CACNG5: variants seen among roughly 807,000 people sequenced by gnomAD.
CACNG5 encodes the protein calcium voltage-gated channel auxiliary subunit gamma 5, also known as voltage-dependent calcium channel gamma-5 subunit.
In CACNG5, 18 loss-of-function variants were observed where a neutral mutation model predicts 24.8. The ratio of observed to expected loss-of-function variants is 0.73; its 90% CI spans 0.50 to 1.08. CACNG5 has a LOEUF of 1.08. Ranked by LOEUF, CACNG5 falls within the 50% of genes least tolerant of loss-of-function variation. CACNG5 has a pLI of 0.00. For missense variants in CACNG5, 349 were observed against 367.9 expected (o/e 0.95, Z 0.42); for synonymous variants, 157 against 149.1 (o/e 1.05, Z -0.39).
chr17:66,852,044 C>A lies in CACNG5; in HGVS notation c.-104+16794C>A, dbSNP rs114867809. 2.8e-3 allele frequency among the ~76,000 whole-genome samples: 434 copies of A among 152,320 alleles called. 2 individuals are homozygous for A. The highest frequency in any genetic ancestry group is 9.8e-3 in the African/African-American group (408 of 41,570). ...ATCCACTCTCAGTGTGGATGGGCAC[C>A]ATCTAATCGGCTGGGGCCTGGATAG... is the stretch of plus-strand genomic sequence containing the variant. On this transcript the variant is annotated intron_variant, in intron 1 of 5. Coordinates refer to ENST00000533854, the MANE Select transcript of CACNG5 (RefSeq NM_145811.3).
At chr17:66,837,961 C>T (rs1031944472) in intron 1 of CACNG5, among the ~76,000 whole-genome samples, 2 of 151,670 alleles carry the variant, frequency 1.3e-5, no homozygotes, top group East Asian at 3.9e-4. Context: ...GGGTGCCAGG[C>T]CTGTGTCTGG....
In CACNG5 at chr17:66,889,637, C is replaced by G. The variant is rs538782895; in HGVS notation, c.*4397C>G. Among the ~76,000 whole-genome samples, 3 of 152,260 alleles carry G rather than the reference C, an allele frequency of 2.0e-5. No homozygotes were observed. The highest frequency in any genetic ancestry group is 2.9e-5 in the Non-Finnish European group (2 of 68,012). The stretch of plus-strand genomic sequence containing the variant: ...GCAGAGGCTGGTTGGGCTGGAGACC[C>G]GGTGAGGACTTGCAGTTCAAGTCCA... On this transcript the variant is annotated 3_prime_UTR_variant, in exon 6 of 6. Coordinates refer to ENST00000533854, the MANE Select transcript of CACNG5 (RefSeq NM_145811.3).
intron 1 of CACNG5, among the ~76,000 whole-genome samples, chr17:66,860,762 T>C (rs1292600844): frequency 1.3e-5 from 2 of 152,166 alleles, no homozygotes; most frequent in African/African-American, 4.8e-5. Context: ...GTCCAACTCA[T>C]GGCCCATGGG....
intron 1 of CACNG5, among the ~76,000 whole-genome samples, chr17:66,838,519 T>C (rs1976515177): frequency 6.6e-6 from 1 of 151,586 alleles, no homozygotes; most frequent in Admixed American, 6.6e-5. Context: ...CCAGGGGGCT[T>C]GATGATGTGG....
intron 1 of CACNG5, among the ~76,000 whole-genome samples, chr17:66,837,529 G>A (rs1429504399): frequency 1.3e-5 from 2 of 152,202 alleles, no homozygotes; most frequent in Admixed American, 6.5e-5. Flanking sequence ...TGGCAGAATT[G>A]GGACTAGCTA....
chr17:66,877,534 G>T lies in CACNG5; in HGVS notation c.196+6G>T, dbSNP rs771728910. ...GCGGGTCTGCTTCCTTGCAGGTAAG[G>T]GTGCCCAGGGTTGGGGACAGCCCTG... On this transcript the variant is annotated splice_donor_region_variant and intron_variant, in intron 2 of 5. Coordinates refer to ENST00000533854, the MANE Select transcript of CACNG5 (RefSeq NM_145811.3). 3.1e-6 allele frequency: 5 copies of T among 1,612,390 alleles called. No individual in the cohort carries two copies. The highest frequency in any genetic ancestry group is 3.4e-6 in the Non-Finnish European group (4 of 1,179,334).
Position 66,885,346 on chromosome 17 carries a change from C to T in CACNG5, c.*106C>T. ...CCTGTGGTTGACAGGCCCAGGCCACCCATGCTTAGCTGTTGTCACTTGACC... is the reference window on the plus strand; with the variant it reads ...CCTGTGGTTGACAGGCCCAGGCCACTCATGCTTAGCTGTTGTCACTTGACC... On this transcript the variant is annotated 3_prime_UTR_variant, in exon 6 of 6. Transcript: ENST00000533854. The T allele has an allele frequency of 7.3e-7, 1 of 1,361,510 alleles. No individual in the cohort carries two copies. 84.3% of individuals were successfully genotyped at this position (1,361,510 alleles called of 1,614,324 possible).
intron 1 of CACNG5, among the ~76,000 whole-genome samples, chr17:66,872,535 A>C (rs1023748832): frequency 2.6e-5 from 4 of 152,242 alleles, no homozygotes; most frequent in African/African-American, 2.4e-5. Context: ...TAAGAGTGGG[A>C]AAGTGCAGGT....
intron 1 of CACNG5, among the ~76,000 whole-genome samples, chr17:66,838,338 G>A (rs1028047036): frequency 6.6e-6 from 1 of 151,660 alleles, no homozygotes; most frequent in East Asian, 2.0e-4. Context: ...GGATCACCCT[G>A]AAAAGGCCTG....
intron 1 of CACNG5, among the ~76,000 whole-genome samples, chr17:66,843,984 G>T (rs376674768): frequency 6.3e-5 from 9 of 141,748 alleles, no homozygotes; most frequent in African/African-American, 2.3e-4. Context: ...GGGCTGGGGG[G>T]GTTGTCCATA....
intron 3 of CACNG5, among the ~76,000 whole-genome samples, chr17:66,879,522 T>C (rs1290141698): frequency 1.3e-5 from 2 of 152,152 alleles, no homozygotes; most frequent in African/African-American, 4.8e-5. Flanking sequence ...GCTCCAAATA[T>C]GGGAGCTCCC....
intron 4 of CACNG5, among the ~76,000 whole-genome samples, chr17:66,881,377 C>A (rs1308881106): frequency 6.6e-6 from 1 of 152,144 alleles, no homozygotes; most frequent in Non-Finnish European, 1.5e-5. Flanking sequence ...TAAACACAAT[C>A]TGCCTTTGGA....
intron 1 of CACNG5, among the ~76,000 whole-genome samples, chr17:66,860,268 G>A (rs75246998): frequency 0.11 from 16,982 of 152,192 alleles, 1,068 homozygotes; most frequent in Middle Eastern, 0.17. Context: ...TTACCATTCT[G>A]TGTCCCAACC....
chr17:66,867,633 G>C (rs1976948827), intron 1 of CACNG5, among the ~76,000 whole-genome samples: 1 of 152,062 alleles, frequency 6.6e-6, no homozygotes, highest in African/African-American at 2.4e-5. Flanking sequence ...AATCCATCTT[G>C]AGTTAATTTT....
At position 66,865,221 on chromosome 17, in the gene CACNG5, T is replaced by C. The variant is rs56267000; in HGVS notation, c.-103-12009T>C. The stretch of plus-strand genomic sequence containing the variant: ...GTGTGTAGCTGTTTATTTTTTAATG[T>C]TATTTTTGTGCACAGCCATTTATCT... On this transcript the variant is annotated intron_variant, in intron 1 of 5. Coordinates refer to ENST00000533854, the MANE Select transcript of CACNG5 (RefSeq NM_145811.3). Among the ~76,000 whole-genome samples the C allele has an allele frequency of 9.4e-3, 1,435 of 152,330 alleles. 8 individuals are homozygous for C. The highest frequency in any genetic ancestry group is 0.014 in the Non-Finnish European group (940 of 68,030).
At position 66,886,896 on chromosome 17, in the gene CACNG5, G is replaced by T. The variant is rs537272302; in HGVS notation, c.*1656G>T. On this transcript the variant is annotated 3_prime_UTR_variant, in exon 6 of 6. Coordinates refer to ENST00000533854, the MANE Select transcript of CACNG5 (RefSeq NM_145811.3). ...TTGGCTTGCAGACGGCTACCTTCCC[G>T]CTGTGTCCTCATGTGGTCTGTGTGC... is the stretch of plus-strand genomic sequence containing the variant. Among the ~76,000 whole-genome samples the T allele has an allele frequency of 1.3e-5, 2 of 152,110 alleles. No homozygotes were observed. Among genetic ancestry groups the T allele is most frequent in the Non-Finnish European group, 2.9e-5 (2 of 68,034 alleles).
intron 1 of CACNG5, among the ~76,000 whole-genome samples, chr17:66,851,721 A>G (rs190777390): frequency 1.3e-5 from 2 of 152,216 alleles, no homozygotes; most frequent in Non-Finnish European, 2.9e-5. Context: ...GAAAACACAA[A>G]CAATATTGGG....
At chr17:66,863,296 C>T (rs1976889302) in intron 1 of CACNG5, among the ~76,000 whole-genome samples, 1 of 152,040 alleles carries the variant, frequency 6.6e-6, no homozygotes, top group South Asian at 2.1e-4. Flanking sequence ...AGTTCAAACC[C>T]ACAAGATAAT....
chr17:66,878,631 A>T (rs958520072), intron 2 of CACNG5, among the ~76,000 whole-genome samples: 1 of 152,188 alleles, frequency 6.6e-6, no homozygotes, highest in Non-Finnish European at 1.5e-5. Flanking sequence ...TCAGCTATGC[A>T]CCATTGTCAG....
Sources: gnomAD v4.1 joint callset for allele counts (sites outside exome capture counted in the v4.1 genomes callset) on GRCh38, gnomAD v4.1.1 for gene constraint, MANE v1.5 for transcripts, NCBI Gene and HGNC (gene_info 2026-07-23, HGNC 2026-07-21) for gene names.